Variants in PLS3 observed in about 807,000 individuals in gnomAD.
The protein encoded by PLS3 is plastin 3, also known as plastin-3.
Under a neutral mutation model 46.5 loss-of-function variants are expected in PLS3, and 11 were observed. The ratio of observed to expected loss-of-function variants is 0.24; its 90% CI spans 0.15 to 0.39. The LOEUF is 0.39. PLS3 is among the 10% of genes least tolerant of loss of function. The pLI is 1.00. For synonymous variants in PLS3, 167 were observed against 162.2 expected (o/e 1.03, Z -0.22); for missense variants, 308 against 461.8 (o/e 0.67, Z 3.05).
intron 1 of PLS3, among the ~76,000 whole-genome samples, chrX:115,582,939 C>T (rs2074287381): frequency 9.0e-6 from 1 of 111,283 alleles, no homozygotes; most frequent in African/African-American, 3.3e-5. Flanking sequence ...CTCGGGAGGC[C>T]GAGGTGATAG....
chrX:115,608,711 G>T (rs782224116), intron 1 of PLS3, among the ~76,000 whole-genome samples: 117 of 112,105 alleles, frequency 1.0e-3, no homozygotes, highest in Admixed American at 6.8e-3. Flanking sequence ...GTAACCTGCT[G>T]TGCCATTTGT....
intron 8 of PLS3, among the ~76,000 whole-genome samples, chrX:115,637,773 G>A (rs2074852740): frequency 8.9e-6 from 1 of 111,786 alleles, no homozygotes. Flanking sequence ...GACCAGCAAG[G>A]CTGTGAAAAC....
chrX:115,598,780 G>A (rs1312280075), intron 1 of PLS3, among the ~76,000 whole-genome samples: 3 of 111,921 alleles, frequency 2.7e-5, no homozygotes, highest in Middle Eastern at 4.2e-3. Flanking sequence ...GCAGAAGCCT[G>A]TCATATGTAG....
At chrX:115,587,458 G>C (rs12393654) in intron 1 of PLS3, among the ~76,000 whole-genome samples, 1 of 111,990 alleles carries the variant, frequency 8.9e-6, no homozygotes, top group Non-Finnish European at 1.9e-5. Context: ...AAACCAGGCC[G>C]GGCGCGGTGG....
In PLS3 at chrX:115,636,889, T is replaced by A; in HGVS notation, c.802T>A (p.Ser268Thr). 8.3e-7 allele frequency: 1 copy of A among 1,206,659 alleles called. No homozygotes were observed. Residue 268 changes from serine to threonine, a missense_variant, in exon 8 of 16, where the codon TCT becomes ACT. Ser to Thr is a moderately conservative substitution (Grantham distance 58). This residue lies in a region of PLS3 where 271 missense variants were observed against 435.7 expected (regional missense o/e 0.62). Transcript: ENST00000355899. ...GACTTTGGAGGAACTTATGAAATTG[T>A]CTCCAGAAGAGCTTCTGCTTAGATG... The part of the protein sequence containing the change: ...GETLEELMKL[S>T]PEELLLRWAN...
chrX:115,604,730 G>A (rs114190915), intron 1 of PLS3, among the ~76,000 whole-genome samples: 6,125 of 111,460 alleles, frequency 0.055, 373 homozygotes, highest in African/African-American at 0.18. Context: ...TAACTTTAAG[G>A]GAAAAAAGTC....
chrX:115,646,648 A>G (rs1487286278), intron 13 of PLS3, 113 bp downstream of exon 13: 1 of 639,981 alleles, frequency 1.6e-6, no homozygotes, highest in Admixed American at 3.6e-5. Flanking sequence ...GAAATATGTT[A>G]TATTTACACT....
intron 8 of PLS3, among the ~76,000 whole-genome samples, chrX:115,639,142 C>CTGCTCTT (rs1473071617): frequency 8.9e-6 from 1 of 112,122 alleles, no homozygotes; most frequent in Admixed American, 9.5e-5. Flanking sequence ...TTTGCTGGGT[C>CTGCTCTT]TGCTCTTTAC....
intron 1 of PLS3, among the ~76,000 whole-genome samples, chrX:115,596,719 G>T (rs1359041753): frequency 9.0e-6 from 1 of 110,836 alleles, no homozygotes; most frequent in East Asian, 2.8e-4. Flanking sequence ...TGCTTGTAAT[G>T]CTAGCAACTG....
chrX:115,642,587 A>G (rs2074909480), intron 9 of PLS3, among the ~76,000 whole-genome samples: 1 of 111,484 alleles, frequency 9.0e-6, no homozygotes, highest in African/African-American at 3.3e-5. Context: ...CAGGGTTCCA[A>G]GGAGTCCACT....
At chrX:115,596,261 C>G (rs1556633834) in intron 1 of PLS3, among the ~76,000 whole-genome samples, 1 of 111,671 alleles carries the variant, frequency 9.0e-6, no homozygotes, top group East Asian at 2.8e-4. Flanking sequence ...TTTAAAACCA[C>G]GTGAGAGGAC....
chrX:115,647,266 T>C (rs1282720183), intron 13 of PLS3, among the ~76,000 whole-genome samples: 1 of 104,018 alleles, frequency 9.6e-6, no homozygotes, highest in Non-Finnish European at 1.9e-5. Context: ...ACCCTGTCCC[T>C]ACTAAAAATA....
intron 1 of PLS3, among the ~76,000 whole-genome samples, chrX:115,587,727 T>C: frequency 1.0e-5 from 1 of 96,804 alleles, no homozygotes; most frequent in African/African-American, 4.0e-5. Context: ...AGAGCGAGAC[T>C]CCGTCTCAAA....
At chrX:115,643,179 C>T (rs1449116838) in intron 9 of PLS3, 134 bp from the exon 10 acceptor site, 3 of 447,822 alleles carry the variant, frequency 6.7e-6, no homozygotes, top group African/African-American at 4.9e-5. Flanking sequence ...TTTTTGCATT[C>T]AAAACAATTT....
At position 115,592,102 on chromosome X, in the gene PLS3, C is replaced by G. The variant is rs782320073; in HGVS notation, c.-8-18141C>G. Among the ~76,000 whole-genome samples, 15 of 111,926 alleles carry G rather than the reference C, an allele frequency of 1.3e-4. 1 individual carries two copies. The South Asian group carries it at 5.7e-3, about 43-fold the overall frequency. On this transcript the variant is annotated intron_variant, in intron 1 of 15. Coordinates refer to ENST00000355899, the MANE Select transcript of PLS3 (RefSeq NM_005032.7). The stretch of plus-strand genomic sequence containing the variant: ...GGGCTCCTTTTCACAGGTGCCCACA[C>G]TGTGAGTCACCTCCTTATGCTGAGA...
intron 1 of PLS3, among the ~76,000 whole-genome samples, chrX:115,570,514 T>C (rs1429257039): frequency 4.0e-5 from 4 of 99,306 alleles, no homozygotes; most frequent in African/African-American, 1.6e-4. Context: ...TTTTTTTTTT[T>C]TTTTTTTTGG....
intron 1 of PLS3, among the ~76,000 whole-genome samples, chrX:115,594,884 A>G (rs2074373992): frequency 8.9e-6 from 1 of 111,763 alleles, no homozygotes; most frequent in Admixed American, 9.6e-5. Flanking sequence ...CATGGAAGAC[A>G]TTAGACCTTT....
intron 1 of PLS3, among the ~76,000 whole-genome samples, chrX:115,578,803 TTC>T (rs1405106196): frequency 9.0e-6 from 1 of 111,191 alleles, no homozygotes; most frequent in Non-Finnish European, 1.9e-5. Flanking sequence ...TTATACTATA[TTC>T]TGTGTTTAAT....
intron 1 of PLS3, among the ~76,000 whole-genome samples, chrX:115,606,165 CTTTTTT>C (rs782575149): frequency 5.3e-4 from 16 of 30,284 alleles, no homozygotes; most frequent in African/African-American, 1.8e-3. Context: ...CTTTTCTTTT[CTTTTTT>C]TTTTTTTTTT....
Sources: gnomAD v4.1 joint callset for allele counts (sites outside exome capture counted in the v4.1 genomes callset) on GRCh38, gnomAD v4.1.1 for gene constraint, gnomAD v4.1.1 regional missense constraint, MANE v1.5 for transcripts, NCBI Gene and HGNC (gene_info 2026-07-23, HGNC 2026-07-21) for gene names.